Variants in KIF12 observed in about 807,000 individuals in gnomAD.
KIF12 encodes the protein kinesin-like protein KIF12.
In KIF12, 80 loss-of-function variants were observed where a neutral mutation model predicts 87.9. The ratio of observed to expected loss-of-function variants is 0.91; its 90% CI spans 0.76 to 1.10. KIF12 has a LOEUF of 1.10. Ranked by LOEUF, KIF12 falls within the 50% of genes least tolerant of loss-of-function variation. The pLI is 0.00. For synonymous variants in KIF12, 353 were observed against 348.5 expected (o/e 1.01, Z -0.14); for missense variants, 819 against 865.3 (o/e 0.95, Z 0.67).
At position 114,092,436 on chromosome 9, in the gene KIF12, CCAGT is replaced by C. The variant is rs1363561901; in HGVS notation, c.1709_1712del (p.Asp570GlyfsTer11). On this transcript the variant is annotated frameshift_variant, in exon 18 of 19. Transcript: ENST00000640217. LOFTEE classifies it high-confidence loss of function. The stretch of plus-strand genomic sequence containing the variant: ...TCTCTGCCAGGACTCGGGTCTGAGT[CCAGT>C]CACTGTGACTCCTGGGCCAGGGTGA... The C allele has an allele frequency of 1.2e-6, 2 of 1,613,726 alleles. No homozygotes were observed. The highest frequency in any genetic ancestry group is 3.3e-5 in the Admixed American group (2 of 59,984).
chr9:114,093,623 T>C (rs1183000209), intron 14 of KIF12, 126 bp from the exon 15 acceptor site: 3 of 814,586 alleles, frequency 3.7e-6, no homozygotes, highest in Non-Finnish European at 6.1e-6. Context: ...CTCAAAGTTT[T>C]ACATGTTAAC....
At chr9:114,095,659 C>A (rs1466616844) in intron 9 of KIF12, among the ~76,000 whole-genome samples, 1 of 152,198 alleles carries the variant, frequency 6.6e-6, no homozygotes, top group African/African-American at 2.4e-5. Context: ...ACTGAGGGCA[C>A]AGCCCCTGAG....
Position 114,093,295 on chromosome 9 carries a change from G to A in KIF12, c.1530C>T (p.Ile510=), listed in dbSNP as rs754375537. The change falls in exon 16 of 19, where the codon ATC becomes ATT. Residue 510 remains isoleucine (I), a synonymous_variant. Transcript: ENST00000640217. ...CCAGGGGCACTCGACACAGTGGGCA[G>A]ATGTGGCAGCAGGGGCAGGAGTAGA... The part of the protein sequence containing the change: ...PPLYSCPCCH[I]CPLCRVPLAH... 14 of 1,561,508 alleles carry A rather than the reference G, an allele frequency of 9.0e-6. No homozygotes were observed. The highest frequency in any genetic ancestry group is 1.7e-4 in the Middle Eastern group (1 of 6,018).
At position 114,095,008 on chromosome 9, in the gene KIF12, C is replaced by A. The variant is rs1847155362; in HGVS notation, c.1119+15G>T. 2 of 1,542,580 alleles carry A rather than the reference C, an allele frequency of 1.3e-6. No individual in the cohort carries two copies. Among genetic ancestry groups the A allele is most frequent in the African/African-American group, 1.4e-5 (1 of 72,710 alleles). On this transcript the variant is annotated intron_variant, in intron 11 of 18. Coordinates refer to ENST00000640217, the MANE Select transcript of KIF12 (RefSeq NM_001388308.1). ...CTCCACGCCTGTCCCTCAGCTTGTG[C>A]CTGCCTATACTCACCTTGGGGGCCT...
Position 114,099,015 on chromosome 9 carries a change from T to C in KIF12, c.93-2A>G, listed in dbSNP as rs1281519898. On this transcript the variant is annotated splice_acceptor_variant, in intron 2 of 18. Coordinates refer to ENST00000640217, the MANE Select transcript of KIF12 (RefSeq NM_001388308.1). LOFTEE classifies it high-confidence loss of function. ...TCGGCCGCGCTCATGGGACGTACCC[T>C]GGGGTCCGACAGAAGGGCAGATGGT... The C allele has an allele frequency of 7.7e-6, 12 of 1,550,154 alleles. No homozygotes were observed. The highest frequency in any genetic ancestry group is 4.1e-5 in the African/African-American group (3 of 72,978).
chr9:114,098,487 GGGGCGGGGCACCGTGGAGGA>G (rs1405830330), intron 3 of KIF12, 58 bp from the exon 4 acceptor site: 23 of 1,305,002 alleles, frequency 1.8e-5, no homozygotes, highest in Admixed American at 1.4e-4. Context: ...GCACCCTGGA[GGGGCGGGGCACCGTGGAGGA>G]GGGCGGGGCA....
Position 114,092,662 on chromosome 9 carries a change from C to A in KIF12, c.1597-20G>T. ...CAACACCTGTAGGAAAGACCAGAGTCCACTCTGGGTGACCTCAGTCCTGCC... is the reference window on the plus strand; with the variant it reads ...CAACACCTGTAGGAAAGACCAGAGTACACTCTGGGTGACCTCAGTCCTGCC... On this transcript the variant is annotated intron_variant, in intron 16 of 18. Coordinates refer to ENST00000640217, the MANE Select transcript of KIF12 (RefSeq NM_001388308.1). 6.4e-7 allele frequency: 1 copy of A among 1,564,868 alleles called. No homozygotes were observed. The highest frequency in any genetic ancestry group is 1.2e-5 in the South Asian group (1 of 85,892).
chr9:114,096,545 G>C, intron 7 of KIF12, 67 bp from the exon 8 acceptor site: 1 of 1,333,736 alleles, frequency 7.5e-7, no homozygotes, highest in African/African-American at 1.4e-5. Flanking sequence ...TGAAGAAAAA[G>C]GAGCAAAGGA....
At chr9:114,094,918 T>C in intron 11 of KIF12, 105 bp downstream of exon 11, 2 of 1,036,678 alleles carry the variant, frequency 1.9e-6, no homozygotes, top group Non-Finnish European at 2.8e-6. Context: ...TAATCCCAAC[T>C]TTGACCCAGT....
Position 114,096,470 on chromosome 9 carries a change from G to A in KIF12, c.655C>T (p.Arg219Cys), listed in dbSNP as rs1218279548. 7 of 1,609,556 alleles carry A rather than the reference G, an allele frequency of 4.3e-6. No homozygotes were observed. The highest frequency in any genetic ancestry group is 1.7e-4 in the Middle Eastern group (1 of 6,060). ...LMELLQTGLS[R>C]RRNSAHTLNQ... ...AGGGTGTGGGCTGAGTTCCTTCGAC[G>A]GCTGAGACCTGGAAGGGAAAAACAT... The change falls in exon 8 of 19, where the codon CGT becomes TGT. Residue 219 changes from arginine to cysteine, a missense_variant. Physicochemically the swap from Arg to Cys is radical, Grantham distance 180. Transcript: ENST00000640217.
At position 114,092,333 on chromosome 9, in the gene KIF12, C is replaced by G. The variant is rs756964908; in HGVS notation, c.1816G>C (p.Gly606Arg). The change falls in exon 18 of 19, where the codon GGT becomes CGT. Residue 606 changes from glycine to arginine, a missense_variant and splice_region_variant. By Grantham distance (125) the Gly-to-Arg change is moderately radical. Coordinates refer to ENST00000640217, the MANE Select transcript of KIF12 (RefSeq NM_001388308.1). ...GCCCCTCCCTCTCTCCCTTCTTCAC[C>G]TCTGAGCCCTGGTGATGTCTTCGGG... The part of the protein sequence containing the change: ...RPPKTSPGLR[G>R]GAGVPNLAQR... The G allele has an allele frequency of 6.3e-7, 1 of 1,574,966 alleles. No individual in the cohort carries two copies. The highest frequency in any genetic ancestry group is 8.6e-7 in the Non-Finnish European group (1 of 1,163,324).
chr9:114,093,093 G>A, intron 16 of KIF12, 136 bp downstream of exon 16: 3 of 1,115,802 alleles, frequency 2.7e-6, no homozygotes, highest in South Asian at 1.4e-5. Context: ...AGGGCAGAGG[G>A]AGCCCTAGGC....
rs1847034963 is a variant in KIF12 at position 114,092,466 on chromosome 9, G to A, written c.1698-15C>T. ...CACTGTGACTCCTGGGCCAGGGTGA[G>A]TTGGGAGATGGGAGGTGAGCCTTTG... On this transcript the variant is annotated splice_polypyrimidine_tract_variant and intron_variant, in intron 17 of 18. Coordinates refer to ENST00000640217, the MANE Select transcript of KIF12 (RefSeq NM_001388308.1). 1.9e-6 allele frequency: 3 copies of A among 1,613,634 alleles called. No homozygotes were observed. The African/African-American group carries it at 4.0e-5, about 22-fold the overall frequency.
rs1488286985 is a variant in KIF12, at chr9:114,093,512, A to G, written c.1401-15T>C. On this transcript the variant is annotated splice_polypyrimidine_tract_variant and intron_variant, in intron 14 of 18. Coordinates refer to ENST00000640217, the MANE Select transcript of KIF12 (RefSeq NM_001388308.1). ...AGAGGAGACGCCTAGAAAGAACAGC[A>G]GGGTCTATGCCTGCAGCCTCCAACC... 1.9e-6 allele frequency: 3 copies of G among 1,546,902 alleles called. No individual in the cohort carries two copies. The highest frequency in any genetic ancestry group is 2.7e-5 in the African/African-American group (2 of 72,954).
chr9:114,093,284 C>A lies in KIF12; in HGVS notation c.1541G>T (p.Cys514Phe), dbSNP rs1234736416. Reference protein sequence around the residue: ...SCPCCHICPLCRVPLAHWACL... With the variant: ...SCPCCHICPLFRVPLAHWACL... ...GGCCCAGTGGGCCAGGGGCACTCGA[C>A]ACAGTGGGCAGATGTGGCAGCAGGG... The change falls in exon 16 of 19, where the codon TGT becomes TTT. Residue 514 changes from cysteine to phenylalanine, a missense_variant. Physicochemically the swap from Cys to Phe is radical, Grantham distance 205. Transcript: ENST00000640217. 1.3e-6 allele frequency: 2 copies of A among 1,560,970 alleles called. No homozygotes were observed. Among genetic ancestry groups the A allele is most frequent in the Admixed American group, 3.9e-5 (2 of 51,890 alleles).
intron 18 of KIF12, 125 bp downstream of exon 18, chr9:114,092,208 A>C: frequency 1.3e-6 from 2 of 1,491,152 alleles, no homozygotes; most frequent in Non-Finnish European, 1.8e-6. Flanking sequence ...GGAAGTAGAA[A>C]GATCTTAGAA....
At chr9:114,097,468 G>C (rs114942807) in intron 6 of KIF12, 32 bp from the exon 7 acceptor site, 2 of 1,578,942 alleles carry the variant, frequency 1.3e-6, no homozygotes, top group African/African-American at 1.4e-5. Flanking sequence ...TGAGGGAAGG[G>C]GATCTTTCTG....
chr9:114,096,361 G>C, intron 8 of KIF12, 26 bp downstream of exon 8: 6 of 1,607,744 alleles, frequency 3.7e-6, no homozygotes, highest in Middle Eastern at 3.3e-4. Flanking sequence ...CCCCGGGTAA[G>C]CACCTTCCCA....
Position 114,091,742 on chromosome 9 carries a change from C to T in KIF12, c.*119G>A, listed in dbSNP as rs1847006446. ...TAGCACCCCCAGTCCCCGCCCCTAG[C>T]CCAGCTGCAGGTGGAGTAGCAGCTG... On this transcript the variant is annotated 3_prime_UTR_variant, in exon 19 of 19. Coordinates refer to ENST00000640217, the MANE Select transcript of KIF12 (RefSeq NM_001388308.1). 1.8e-6 allele frequency: 2 copies of T among 1,119,822 alleles called. No homozygotes were observed. Among genetic ancestry groups the T allele is most frequent in the Non-Finnish European group, 2.5e-6 (2 of 807,462 alleles). The allele number at this position is 1,119,822 out of a possible 1,614,324, so 69.4% of individuals were successfully genotyped here.
Sources: allele counts gnomAD v4.1 joint callset (sites outside exome capture counted in the v4.1 genomes callset), GRCh38; gene constraint gnomAD v4.1.1; transcripts MANE v1.5; gene names NCBI Gene and HGNC (gene_info 2026-07-23, HGNC 2026-07-21).